TCF12: variants seen among roughly 807,000 people sequenced by gnomAD.
TCF12 encodes transcription factor 12.
Under a neutral mutation model 86.0 loss-of-function variants are expected in TCF12, and 45 were observed. The observed-to-expected ratio is 0.52, with a 90% CI of 0.41 to 0.67. The LOEUF is 0.67. Ranked by LOEUF, TCF12 falls within the 30% of genes least tolerant of loss-of-function variation. The pLI is 0.00. For synonymous variants in TCF12, 330 were observed against 299.6 expected (o/e 1.10, Z -1.05); for missense variants, 881 against 859.9 (o/e 1.02, Z -0.31).
At chr15:57,027,757 C>A (rs1277853446) in intron 3 of TCF12, among the ~76,000 whole-genome samples, 1 of 152,046 alleles carries the variant, frequency 6.6e-6, no homozygotes, top group African/African-American at 2.4e-5. Flanking sequence ...GGATTCCCCA[C>A]GTGAATCATG....
chr15:57,093,221 A>T (rs2049104994), intron 5 of TCF12, among the ~76,000 whole-genome samples: 4 of 152,236 alleles, frequency 2.6e-5, no homozygotes, highest in African/African-American at 9.6e-5. Context: ...TTGGCTAGGG[A>T]AAACTTTCTA....
intron 3 of TCF12, among the ~76,000 whole-genome samples, chr15:57,024,134 G>A (rs1311288113): frequency 2.6e-5 from 4 of 151,542 alleles, no homozygotes; most frequent in Non-Finnish European, 4.4e-5. Flanking sequence ...ACAAATAACT[G>A]TGAACAATGT....
Position 57,125,948 on chromosome 15 carries a change from G to A in TCF12, c.325+34057G>A, listed in dbSNP as rs1021983591. Among the ~76,000 whole-genome samples, 8 of 151,816 alleles carry A rather than the reference G, an allele frequency of 5.3e-5. No homozygotes were observed. The East Asian group carries it at 1.5e-3, about 29-fold the overall frequency. The stretch of plus-strand genomic sequence containing the variant: ...TTTGTGTGTAGGGAATCTGATTTTA[G>A]GTCTGGGCACAGTGGCTTACACCTG... On this transcript the variant is annotated intron_variant, in intron 5 of 20. Coordinates refer to ENST00000333725, the MANE Select transcript of TCF12 (RefSeq NM_207037.2).
intron 2 of TCF12, 70 bp downstream of exon 2, chr15:56,920,058 T>C (rs1203185300): frequency 6.4e-7 from 1 of 1,569,858 alleles, no homozygotes; most frequent in Admixed American, 1.7e-5. Context: ...TTGTTTCTTT[T>C]AAATAAAGGG....
chr15:57,002,254 A>G (rs1430822), intron 3 of TCF12, among the ~76,000 whole-genome samples: 37,754 of 152,016 alleles, frequency 0.25, 5,557 homozygotes, highest in East Asian at 0.4. Context: ...CCTGTTCCAC[A>G]TGCCCCATGA....
chr15:56,931,996 G>A (rs948697106), intron 3 of TCF12, among the ~76,000 whole-genome samples: 4 of 152,148 alleles, frequency 2.6e-5, no homozygotes, highest in African/African-American at 9.7e-5. Context: ...CACAAAACAT[G>A]CCATAGTGCC....
chr15:57,057,234 A>T (rs1265118239), intron 3 of TCF12, among the ~76,000 whole-genome samples: 1 of 151,938 alleles, frequency 6.6e-6, no homozygotes, highest in Non-Finnish European at 1.5e-5. Context: ...AAAATTTGGG[A>T]CCTCTCTTTT....
At chr15:57,033,144 G>GA (rs1164947165) in intron 3 of TCF12, among the ~76,000 whole-genome samples, 2 of 151,894 alleles carry the variant, frequency 1.3e-5, no homozygotes, top group Non-Finnish European at 2.9e-5. Context: ...AGAGAAAAAT[G>GA]AAAAAAACTT....
chr15:56,921,408 T>A, intron 3 of TCF12, among the ~76,000 whole-genome samples: 1 of 151,994 alleles, frequency 6.6e-6, no homozygotes, highest in African/African-American at 2.4e-5. Context: ...ATATCCAGAT[T>A]ACATTATGAT....
At chr15:57,205,060 C>T (rs1260204733) in intron 8 of TCF12, among the ~76,000 whole-genome samples, 1 of 152,084 alleles carries the variant, frequency 6.6e-6, no homozygotes, top group African/African-American at 2.4e-5. Flanking sequence ...CACCTATAAT[C>T]CCAAAACTTT....
chr15:57,050,646 C>A (rs1197070253), intron 3 of TCF12, among the ~76,000 whole-genome samples: 2 of 152,114 alleles, frequency 1.3e-5, no homozygotes, highest in Non-Finnish European at 2.9e-5. Context: ...TTGGTACTCT[C>A]ATTACATGCA....
chr15:57,224,313 C>G (rs1228329087), intron 8 of TCF12, among the ~76,000 whole-genome samples: 2 of 151,944 alleles, frequency 1.3e-5, no homozygotes, highest in African/African-American at 4.8e-5. Context: ...CAAACCCTGT[C>G]CCTTAGAAAT....
At chr15:57,066,983 T>C (rs1274850823) in intron 4 of TCF12, among the ~76,000 whole-genome samples, 2 of 152,210 alleles carry the variant, frequency 1.3e-5, no homozygotes, top group Non-Finnish European at 2.9e-5. Flanking sequence ...CCTTGATGCA[T>C]AAATGAGCTC....
At chr15:57,129,227 G>A (rs2051918299) in intron 5 of TCF12, among the ~76,000 whole-genome samples, 1 of 152,288 alleles carries the variant, frequency 6.6e-6, no homozygotes, top group East Asian at 1.9e-4. Context: ...TCTTAATGGT[G>A]TGAAAACCTC....
upstream of TCF12, chr15:56,918,119 C>T (rs1446782541): frequency 2.3e-6 from 1 of 442,078 alleles, no homozygotes; most frequent in Admixed American, 2.4e-5. Context: ...GGTCTCCCGT[C>T]TCCACACGCG....
At chr15:57,011,408 T>A (rs1271952484) in intron 3 of TCF12, among the ~76,000 whole-genome samples, 1 of 152,080 alleles carries the variant, frequency 6.6e-6, no homozygotes, top group Non-Finnish European at 1.5e-5. Flanking sequence ...ATCATGATTG[T>A]AAGCCTCCTG....
intron 13 of TCF12, among the ~76,000 whole-genome samples, chr15:57,249,578 TAC>T (rs1295190467): frequency 2.0e-5 from 3 of 152,180 alleles, no homozygotes; most frequent in African/African-American, 7.2e-5. Context: ...AATTGATGAA[TAC>T]ACTTACTACA....
At chr15:57,096,067 G>T (rs916874231) in intron 5 of TCF12, among the ~76,000 whole-genome samples, 1 of 152,128 alleles carries the variant, frequency 6.6e-6, no homozygotes, top group Non-Finnish European at 1.5e-5. Context: ...TAAGATACCT[G>T]TTGTTTCTTC....
intron 3 of TCF12, among the ~76,000 whole-genome samples, chr15:56,946,477 TG>T (rs2061003008): frequency 6.6e-6 from 1 of 152,162 alleles, no homozygotes; most frequent in Admixed American, 6.5e-5. Flanking sequence ...AAGATATTCC[TG>T]TTTTTCTTTT....
Sources: gnomAD v4.1 joint callset for allele counts (sites outside exome capture counted in the v4.1 genomes callset) on GRCh38, gnomAD v4.1.1 for gene constraint, MANE v1.5 for transcripts, NCBI Gene and HGNC (gene_info 2026-07-23, HGNC 2026-07-21) for gene names.